The following CCDC85C variants were observed in gnomAD, a reference collection of about 807,000 sequenced individuals.
CCDC85C encodes coiled-coil domain containing 85C.
A neutral mutation model predicts 38.3 loss-of-function variants in CCDC85C; 18 were observed. That is an observed-to-expected ratio of 0.47 (90% CI 0.33 to 0.70). The LOEUF is 0.70. Among genes scored for constraint, CCDC85C ranks in the 30% least tolerant of loss-of-function variants. The pLI, the probability that CCDC85C is intolerant of heterozygous loss-of-function variation, is 0.03. For synonymous variants in CCDC85C, 264 were observed against 293.8 expected (o/e 0.90, Z 1.04); for missense variants, 566 against 621.2 (o/e 0.91, Z 0.94).
At chr14:99,577,193 C>T (rs1048641248) in intron 1 of CCDC85C, among the ~76,000 whole-genome samples, 1 of 151,936 alleles carries the variant, frequency 6.6e-6, no homozygotes, top group South Asian at 2.1e-4. Flanking sequence ...GCCCTGCCCA[C>T]GGTGCTTAAT....
chr14:99,593,080 A>C (rs547465003), intron 1 of CCDC85C, among the ~76,000 whole-genome samples: 39 of 152,366 alleles, frequency 2.6e-4, no homozygotes, highest in Non-Finnish European at 4.9e-4. Flanking sequence ...AACCCGCCAC[A>C]AAGGGCCACT....
At chr14:99,561,320 C>T (rs1363736250) in intron 1 of CCDC85C, among the ~76,000 whole-genome samples, 1 of 152,194 alleles carries the variant, frequency 6.6e-6, no homozygotes, top group Non-Finnish European at 1.5e-5. Context: ...GGCACCTGGT[C>T]GCTCTAGGCA....
Position 99,572,860 on chromosome 14 carries a change from G to A in CCDC85C, c.793+30307C>T, listed in dbSNP as rs974955200. The A allele has an allele frequency of 6.1e-5, 28 of 455,468 alleles. No individual in the cohort carries two copies. The highest frequency in any genetic ancestry group is 2.0e-4 in the African/African-American group (10 of 50,048). 28.2% of individuals were successfully genotyped at this position (455,468 alleles called of 1,614,324 possible). On this transcript the variant is annotated intron_variant, in intron 1 of 5. Transcript: ENST00000380243. The surrounding 1 kb of genome is among the most constrained non-coding windows in gnomAD (Gnocchi z 4.4). ...GGTGTGCAACAGGTGCTCAGTAAAC[G>A]GCTAAGGAAGGAATGTCTGCCCAAG... is the stretch of plus-strand genomic sequence containing the variant.
chr14:99,523,310 C>T (rs949276924), intron 2 of CCDC85C, among the ~76,000 whole-genome samples: 1 of 152,202 alleles, frequency 6.6e-6, no homozygotes, highest in Non-Finnish European at 1.5e-5. Flanking sequence ...CACACACACC[C>T]TGCTTGCCTC....
In CCDC85C at chr14:99,533,086, C is replaced by T. The variant is rs368681949; in HGVS notation, c.867+2929G>A. Among the ~76,000 whole-genome samples the T allele has an allele frequency of 5.9e-5, 9 of 152,254 alleles. No individual in the cohort carries two copies. The South Asian group carries it at 6.2e-4, about 11-fold the overall frequency. ...TGTGAGCCACCACACCCAGCCGTGG[C>T]TCCTCTGGTTCTGCTGATGCCATGG... On this transcript the variant is annotated intron_variant, in intron 2 of 5. Coordinates refer to ENST00000380243, the MANE Select transcript of CCDC85C (RefSeq NM_001144995.2). This position sits in a 1 kb window ranked among gnomAD's most constrained non-coding sequence, Gnocchi z 4.2.
rs1261791417 is a variant in CCDC85C at position 99,501,057 on chromosome 14, G to C, written c.*14189C>G. The C allele has an allele frequency of 6.6e-6, 4 of 605,508 alleles. No homozygotes were observed. The highest frequency in any genetic ancestry group is 3.7e-5 in the African/African-American group (2 of 53,500). The allele number at this position is 605,508 out of a possible 1,614,324, so 37.5% of individuals were successfully genotyped here. A position where few individuals can be genotyped will look rare whatever the true frequency, so the allele number is the denominator to read the frequency against. ...GCTGTTTCCTTTTATGTATAAACAG[G>C]CTCTGTCATCCAGTTGCCAAGTGAT... On this transcript the variant is annotated 3_prime_UTR_variant, in exon 6 of 6. Coordinates refer to ENST00000380243, the MANE Select transcript of CCDC85C (RefSeq NM_001144995.2).
chr14:99,510,454 C>T lies in CCDC85C; in HGVS notation c.*4792G>A. ...GCCTACGGCCCACCTGCACACCTGCCCTACCACCCCCATGTCTACCCGCCC... is the reference window on the plus strand; with the variant it reads ...GCCTACGGCCCACCTGCACACCTGCTCTACCACCCCCATGTCTACCCGCCC... On this transcript the variant is annotated 3_prime_UTR_variant, in exon 6 of 6. Coordinates refer to ENST00000380243, the MANE Select transcript of CCDC85C (RefSeq NM_001144995.2). 1 of 1,534,344 alleles carries T rather than the reference C, an allele frequency of 6.5e-7. No individual in the cohort carries two copies. Among genetic ancestry groups the T allele is most frequent in the Non-Finnish European group, 8.8e-7 (1 of 1,138,486 alleles).
intron 1 of CCDC85C, among the ~76,000 whole-genome samples, chr14:99,560,544 A>G (rs978202332): frequency 6.6e-6 from 1 of 152,184 alleles, no homozygotes; most frequent in Non-Finnish European, 1.5e-5. Context: ...CTATTCTCAG[A>G]GCAGCCCCCA....
chr14:99,571,165 G>A (rs1325869435), intron 1 of CCDC85C, among the ~76,000 whole-genome samples: 3 of 152,144 alleles, frequency 2.0e-5, no homozygotes, highest in Non-Finnish European at 4.4e-5. Context: ...GCAGTGCAGT[G>A]AGGGGCCAGC....
In CCDC85C at chr14:99,503,662, T is replaced by C; in HGVS notation, c.*11584A>G. ...AGCAGCAGGTAATTTCCTGTTCTGATGTTTTTTTAGTTTTATGTGTTTATA... is the reference window on the plus strand; with the variant it reads ...AGCAGCAGGTAATTTCCTGTTCTGACGTTTTTTTAGTTTTATGTGTTTATA... On this transcript the variant is annotated 3_prime_UTR_variant, in exon 6 of 6. Coordinates refer to ENST00000380243, the MANE Select transcript of CCDC85C (RefSeq NM_001144995.2). 6.4e-7 allele frequency: 1 copy of C among 1,551,822 alleles called. No homozygotes were observed. The highest frequency in any genetic ancestry group is 8.7e-7 in the Non-Finnish European group (1 of 1,146,124).
intron 1 of CCDC85C, among the ~76,000 whole-genome samples, chr14:99,561,333 G>C (rs1454319936): frequency 6.6e-6 from 1 of 152,210 alleles, no homozygotes; most frequent in Non-Finnish European, 1.5e-5. Flanking sequence ...TCTAGGCACA[G>C]AGCATCCATT....
chr14:99,581,983 C>T (rs1045899858), intron 1 of CCDC85C, among the ~76,000 whole-genome samples: 8 of 152,198 alleles, frequency 5.3e-5, no homozygotes, highest in Non-Finnish European at 8.8e-5. Flanking sequence ...GAGCATGCCC[C>T]GTTTCCCCAG....
At chr14:99,527,263 G>A (rs1236218098) in intron 2 of CCDC85C, among the ~76,000 whole-genome samples, 5 of 152,170 alleles carry the variant, frequency 3.3e-5, no homozygotes, top group Admixed American at 2.0e-4. Flanking sequence ...GACAGGTGTG[G>A]TTCACCTCCC....
In CCDC85C at chr14:99,576,803, G is replaced by A. The variant is rs1898486897; in HGVS notation, c.793+26364C>T. 6.6e-6 allele frequency among the ~76,000 whole-genome samples: 1 copy of A among 152,178 alleles called. No individual in the cohort carries two copies. Among genetic ancestry groups the A allele is most frequent in the Admixed American group, 6.5e-5 (1 of 15,286 alleles). ...ATTCAGAGGGTGGAACGGACTATCA[G>A]TCACTCTACAGGAAAGCAGAGGCTC... is the stretch of plus-strand genomic sequence containing the variant. On this transcript the variant is annotated intron_variant, in intron 1 of 5. Transcript: ENST00000380243. This position sits in a 1 kb window ranked among gnomAD's most constrained non-coding sequence, Gnocchi z 4.8.
At chr14:99,601,035 A>G (rs1316906087) in intron 1 of CCDC85C, among the ~76,000 whole-genome samples, 4 of 152,298 alleles carry the variant, frequency 2.6e-5, no homozygotes, top group South Asian at 2.1e-4. Flanking sequence ...GAAAAAAGGG[A>G]AAAAAGAAAG....
At chr14:99,575,855 C>T (rs10135037) in intron 1 of CCDC85C, among the ~76,000 whole-genome samples, 7 of 152,276 alleles carry the variant, frequency 4.6e-5, no homozygotes, top group Admixed American at 2.6e-4. Flanking sequence ...CGCTGCTACA[C>T]GGACTAACCC....
At chr14:99,571,032 G>C (rs796370747) in intron 1 of CCDC85C, among the ~76,000 whole-genome samples, 10 of 152,074 alleles carry the variant, frequency 6.6e-5, no homozygotes, top group Admixed American at 6.6e-4. Flanking sequence ...CCTACTGTCC[G>C]GCCAGCCCTG....
intron 1 of CCDC85C, among the ~76,000 whole-genome samples, chr14:99,536,888 C>G (rs1368800314): frequency 6.6e-6 from 1 of 152,226 alleles, no homozygotes; most frequent in Non-Finnish European, 1.5e-5. Context: ...TCCCATACCC[C>G]TGGTCCTGCC....
chr14:99,555,113 G>GAA (rs1373386614), intron 1 of CCDC85C, among the ~76,000 whole-genome samples: 1 of 152,264 alleles, frequency 6.6e-6, no homozygotes, highest in Non-Finnish European at 1.5e-5. Flanking sequence ...TGCAGAGGGT[G>GAA]GCCTTGCTGG....
Sources: allele counts gnomAD v4.1 joint callset (sites outside exome capture counted in the v4.1 genomes callset), GRCh38; gene constraint gnomAD v4.1.1; non-coding constraint Gnocchi (gnomAD v3.1); transcripts MANE v1.5; gene names NCBI Gene and HGNC (gene_info 2026-07-23, HGNC 2026-07-21).